TTC29: variants seen among roughly 807,000 people sequenced by gnomAD.
The protein encoded by TTC29 is tetratricopeptide repeat domain 29.
In TTC29, 49 loss-of-function variants were observed where a neutral mutation model predicts 58.1. The observed-to-expected ratio is 0.84, with a 90% CI of 0.67 to 1.07. The LOEUF (loss-of-function observed/expected upper bound fraction) is 1.07. TTC29 is among the 50% of genes least tolerant of loss of function. The pLI is 0.00. For missense variants in TTC29, 582 were observed against 555.6 expected, an observed-to-expected ratio of 1.05 and a Z score of -0.48; for synonymous variants, 209 against 196.8, an observed-to-expected ratio of 1.06 and a Z score of -0.52.
intron 11 of TTC29, among the ~76,000 whole-genome samples, chr4:146,782,362 T>C (rs1748684167): frequency 6.6e-6 from 1 of 151,740 alleles, no homozygotes; most frequent in Admixed American, 6.6e-5. Context: ...AATATTATTA[T>C]TTGAAATCAA....
chr4:146,930,094 T>TATATATATATATATACACAC (rs1735216477), intron 4 of TTC29, among the ~76,000 whole-genome samples: 1 of 106,228 alleles, frequency 9.4e-6, no homozygotes, highest in Non-Finnish European at 1.9e-5. Context: ...CATATATATA[T>TATATATATATATATACACAC]ATATATATAT....
At chr4:146,800,394 C>A (rs1579702720) in intron 11 of TTC29, among the ~76,000 whole-genome samples, 2 of 152,284 alleles carry the variant, frequency 1.3e-5, no homozygotes, top group East Asian at 3.9e-4. Context: ...GATAACTGCA[C>A]AGCTTTTAAA....
chr4:146,732,892 T>C (rs899425186), intron 11 of TTC29, among the ~76,000 whole-genome samples: 2 of 152,140 alleles, frequency 1.3e-5, no homozygotes, highest in African/African-American at 4.8e-5. Flanking sequence ...AGACCACCTG[T>C]CATAACTTTA....
intron 11 of TTC29, among the ~76,000 whole-genome samples, chr4:146,784,751 G>C (rs756999511): frequency 6.6e-6 from 1 of 152,124 alleles, no homozygotes; most frequent in Admixed American, 6.6e-5. Context: ...ATAGCATTTT[G>C]TTATAACATC....
intron 4 of TTC29, among the ~76,000 whole-genome samples, chr4:146,909,911 C>A (rs952521847): frequency 6.6e-6 from 1 of 152,016 alleles, no homozygotes; most frequent in East Asian, 1.9e-4. Flanking sequence ...AGATTCCATA[C>A]CCTTGTGACG....
At chr4:146,862,525 G>C (rs1024061405) in intron 8 of TTC29, among the ~76,000 whole-genome samples, 21 of 152,122 alleles carry the variant, frequency 1.4e-4, no homozygotes, top group African/African-American at 5.1e-4. Flanking sequence ...AATAGAAAAA[G>C]TGTCTAAGAT....
chr4:146,910,218 C>T (rs75791359), intron 4 of TTC29, among the ~76,000 whole-genome samples: 7,219 of 151,742 alleles, frequency 0.048, 281 homozygotes, highest in East Asian at 0.15. Context: ...TTTGCCTCAC[C>T]TCCCTGGGTC....
chr4:146,912,493 C>T (rs763724163), intron 4 of TTC29, among the ~76,000 whole-genome samples: 4 of 151,976 alleles, frequency 2.6e-5, no homozygotes, highest in South Asian at 2.1e-4. Flanking sequence ...CTGCTGTTTC[C>T]GTGTAGGAAA....
At chr4:146,734,073 A>C (rs1311930115) in intron 11 of TTC29, among the ~76,000 whole-genome samples, 4 of 152,170 alleles carry the variant, frequency 2.6e-5, no homozygotes, top group African/African-American at 7.2e-5. Flanking sequence ...AAAACTTTTA[A>C]ATCCTAGTGT....
intron 8 of TTC29, among the ~76,000 whole-genome samples, chr4:146,839,133 C>A (rs1728689164): frequency 6.6e-6 from 1 of 151,938 alleles, no homozygotes; most frequent in African/African-American, 2.4e-5. Context: ...CCAGTGATGA[C>A]TTTTTTCATA....
chr4:146,930,083 G>GCATA (rs2150316553), intron 4 of TTC29, among the ~76,000 whole-genome samples: 1 of 25,116 alleles, frequency 4.0e-5, no homozygotes, highest in Non-Finnish European at 7.9e-5. Context: ...ATGTGTGTGT[G>GCATA]CATATATATA....
At chr4:146,810,311 G>A (rs563870766) in intron 10 of TTC29, among the ~76,000 whole-genome samples, 1 of 152,140 alleles carries the variant, frequency 6.6e-6, no homozygotes, top group African/African-American at 2.4e-5. Flanking sequence ...ATAGATGACA[G>A]GTTGATGGGT....
chr4:146,906,886 C>G (rs1733556144), intron 5 of TTC29, among the ~76,000 whole-genome samples: 1 of 152,136 alleles, frequency 6.6e-6, no homozygotes, highest in African/African-American at 2.4e-5. Flanking sequence ...CTTTGGGAGA[C>G]CAAGGTAGGA....
rs993419770 is a variant in TTC29 at position 146,770,073 on chromosome 4, C to T, written c.1330+33384G>A. 2.1e-4 allele frequency among the ~76,000 whole-genome samples: 32 copies of T among 151,850 alleles called. 1 individual carries two copies. The highest frequency in any genetic ancestry group is 6.6e-4 in the Admixed American group (10 of 15,208). ...ATGGTTTTCAGGCTTATAATTCCAG[C>T]GGTTCTCAACACTAGTTGTTCCTTA... On this transcript the variant is annotated intron_variant, in intron 11 of 12. Coordinates refer to ENST00000325106, the MANE Select transcript of TTC29 (RefSeq NM_031956.4).
chr4:146,844,878 C>G (rs1463798938), intron 8 of TTC29, among the ~76,000 whole-genome samples: 1 of 152,170 alleles, frequency 6.6e-6, no homozygotes, highest in East Asian at 1.9e-4. Flanking sequence ...TTCAGAGCAG[C>G]TGAGTCGTTA....
At chr4:146,709,120 G>C (rs58768908) in intron 11 of TTC29, among the ~76,000 whole-genome samples, 15 of 151,914 alleles carry the variant, frequency 9.9e-5, no homozygotes, top group African/African-American at 3.6e-4. Context: ...TCTTAATTTA[G>C]TAATTTCAAT....
intron 11 of TTC29, among the ~76,000 whole-genome samples, chr4:146,712,559 G>T (rs762483571): frequency 7.2e-5 from 11 of 152,074 alleles, no homozygotes; most frequent in Non-Finnish European, 1.5e-4. Flanking sequence ...TTAATCAATT[G>T]AACTTTTCAG....
rs373638562 is a variant in TTC29, at chr4:146,728,813, ATGTG to A, written c.1331-21266_1331-21263del. Among the ~76,000 whole-genome samples the A allele has an allele frequency of 4.7e-3, 244 of 52,466 alleles. 20 individuals carry two copies. In the Middle Eastern group the frequency reaches 0.056, roughly 12 times the overall value. 34.4% of individuals were successfully genotyped at this position (52,466 alleles called of 152,430 possible). On this transcript the variant is annotated intron_variant, in intron 11 of 12. Transcript: ENST00000325106. ...TATATACGTATATATACACATATAT[ATGTG>A]TATATATACATATATATACACATAT...
At chr4:146,869,144 C>A (rs1231868497) in intron 7 of TTC29, among the ~76,000 whole-genome samples, 2 of 150,940 alleles carry the variant, frequency 1.3e-5, no homozygotes, top group Non-Finnish European at 2.9e-5. Context: ...AAATTACCCA[C>A]CCTCAGATAT....
Sources: gnomAD v4.1 joint callset for allele counts (sites outside exome capture counted in the v4.1 genomes callset) on GRCh38, gnomAD v4.1.1 for gene constraint, MANE v1.5 for transcripts, NCBI Gene and HGNC (gene_info 2026-07-23, HGNC 2026-07-21) for gene names.